The following CACNA2D1 variants were observed in gnomAD, a reference collection of about 807,000 sequenced individuals.
The protein encoded by CACNA2D1 is voltage-dependent calcium channel subunit alpha-2/delta-1.
Under a neutral mutation model 171.5 loss-of-function variants are expected in CACNA2D1, and 53 were observed. The observed-to-expected ratio is 0.31, with a 90% CI of 0.25 to 0.39. CACNA2D1 has a LOEUF of 0.39. CACNA2D1 is among the 10% of genes least tolerant of loss of function. The pLI is 1.00. For missense variants in CACNA2D1, 903 were observed against 1,299.8 expected (o/e 0.69, Z 4.69); for synonymous variants, 442 against 443.1 (o/e 1.00, Z 0.03).
chr7:82,418,564 T>C (rs1026173007), intron 1 of CACNA2D1, among the ~76,000 whole-genome samples: 8 of 152,108 alleles, frequency 5.3e-5, no homozygotes, highest in African/African-American at 1.7e-4. Context: ...GTAACAGAGA[T>C]TCTGGGCTTC....
At position 81,950,498 on chromosome 7, in the gene CACNA2D1, G is replaced by C. The variant is rs2129932628; in HGVS notation, c.3170C>G (p.Thr1057Ser). Reference protein sequence around the residue: ...CFDNNVLEDYTDCGGVSGLNP... With the variant: ...CFDNNVLEDYSDCGGVSGLNP... ...TAATCCAGAAACACCACCACAGTCA[G>C]TATAATCCTCCTGTTGTTAAAAAAA... The change falls in exon 39 of 39, where the codon ACT becomes AGT. Residue 1057 changes from threonine to serine, a missense_variant. By Grantham distance (58) the Thr-to-Ser change is moderately conservative. Coordinates refer to ENST00000356860, the MANE Select transcript of CACNA2D1 (RefSeq NM_000722.4). 8 of 1,611,792 alleles carry C rather than the reference G, an allele frequency of 5.0e-6. No homozygotes were observed. Among genetic ancestry groups the C allele is most frequent in the Non-Finnish European group, 6.8e-6 (8 of 1,179,052 alleles).
chr7:81,959,130 T>G, intron 38 of CACNA2D1, 145 bp downstream of exon 38: 1 of 667,090 alleles, frequency 1.5e-6, no homozygotes, highest in Non-Finnish European at 2.7e-6. Flanking sequence ...ATGAAAAAAA[T>G]CTACCAGCAA....
intron 3 of CACNA2D1, among the ~76,000 whole-genome samples, chr7:82,234,047 T>C (rs1426915228): frequency 2.0e-5 from 3 of 152,104 alleles, no homozygotes; most frequent in Non-Finnish European, 2.9e-5. Flanking sequence ...GAAGTATGCA[T>C]TCAAATGTAC....
At chr7:81,958,451 A>G (rs1030515748) in intron 38 of CACNA2D1, among the ~76,000 whole-genome samples, 2 of 152,070 alleles carry the variant, frequency 1.3e-5, no homozygotes, top group Admixed American at 6.6e-5. Flanking sequence ...AATTAGTTAA[A>G]AAGAGGTAGA....
intron 3 of CACNA2D1, among the ~76,000 whole-genome samples, chr7:82,269,240 C>A (rs943301293): frequency 6.6e-6 from 1 of 152,144 alleles, no homozygotes; most frequent in East Asian, 1.9e-4. Context: ...CCCTCTGACT[C>A]ATACACCCCT....
chr7:81,994,069 C>A (rs924739320), intron 20 of CACNA2D1, among the ~76,000 whole-genome samples: 2 of 151,980 alleles, frequency 1.3e-5, no homozygotes, highest in African/African-American at 4.8e-5. Context: ...AGGGAAGGAT[C>A]TGATGAGGAA....
chr7:82,120,732 G>C (rs769909749), intron 5 of CACNA2D1, among the ~76,000 whole-genome samples: 1 of 151,902 alleles, frequency 6.6e-6, no homozygotes, highest in Non-Finnish European at 1.5e-5. Context: ...AAAATTAGCC[G>C]AGTGTGGTGG....
At chr7:82,179,573 G>A (rs577814960) in intron 3 of CACNA2D1, among the ~76,000 whole-genome samples, 3 of 152,034 alleles carry the variant, frequency 2.0e-5, no homozygotes, top group Admixed American at 6.5e-5. Flanking sequence ...ACCAACCTAA[G>A]TTGCCCTAAA....
At chr7:82,088,367 ATAT>A (rs1353859890) in intron 6 of CACNA2D1, among the ~76,000 whole-genome samples, 1 of 152,142 alleles carries the variant, frequency 6.6e-6, no homozygotes, top group African/African-American at 2.4e-5. Flanking sequence ...TTTTCAGCAA[ATAT>A]TACTCTAGAT....
intron 15 of CACNA2D1, among the ~76,000 whole-genome samples, chr7:82,010,875 T>G (rs1799701320): frequency 6.6e-6 from 1 of 152,142 alleles, no homozygotes. Context: ...GAACTCCAAG[T>G]AGGGAAAAGG....
At chr7:82,146,798 C>T (rs1793179201) in intron 4 of CACNA2D1, among the ~76,000 whole-genome samples, 1 of 150,718 alleles carries the variant, frequency 6.6e-6, no homozygotes, top group Admixed American at 6.6e-5. Flanking sequence ...AACAGCCTGG[C>T]CATCATGGTG....
In CACNA2D1 at chr7:82,142,964, G is replaced by A. The variant is rs577648879; in HGVS notation, c.355-6288C>T. ...TGTCCATTATCAACTGTTGTACCTGGGATGAGTTCAACCAACAGCACTGTA... is the reference window on the plus strand; with the variant it reads ...TGTCCATTATCAACTGTTGTACCTGAGATGAGTTCAACCAACAGCACTGTA... On this transcript the variant is annotated intron_variant, in intron 4 of 38. Transcript: ENST00000356860. Among the ~76,000 whole-genome samples, 396 of 152,144 alleles carry A rather than the reference G, an allele frequency of 2.6e-3. 5 individuals carry two copies. In the South Asian group the frequency reaches 0.028, roughly 11 times the overall value.
chr7:81,973,098 T>C (rs1235231455), intron 25 of CACNA2D1, among the ~76,000 whole-genome samples: 2 of 152,062 alleles, frequency 1.3e-5, no homozygotes, highest in Non-Finnish European at 2.9e-5. Context: ...TTCTGAAAAG[T>C]TATATGTTAG....
intron 9 of CACNA2D1, among the ~76,000 whole-genome samples, chr7:82,062,729 CTTTTTTTTTTTTTTTTTTT>C (rs71520797): frequency 3.8e-5 from 2 of 52,170 alleles, no homozygotes; most frequent in Non-Finnish European, 6.7e-5. Flanking sequence ...GGTATATCTC[CTTTTTTTTTTTTTTTTTTT>C]TTTTTTTTTT....
At chr7:82,089,611 C>T (rs1375703053) in intron 6 of CACNA2D1, among the ~76,000 whole-genome samples, 1 of 152,092 alleles carries the variant, frequency 6.6e-6, no homozygotes, top group African/African-American at 2.4e-5. Flanking sequence ...AGCAATTCTC[C>T]CTTTTAGAGT....
At chr7:82,113,788 G>A (rs1422711356) in intron 6 of CACNA2D1, among the ~76,000 whole-genome samples, 4 of 152,098 alleles carry the variant, frequency 2.6e-5, no homozygotes, top group Non-Finnish European at 4.4e-5. Flanking sequence ...AGATCTTGTG[G>A]ACATTTCTGA....
chr7:82,180,076 C>G lies in CACNA2D1; in HGVS notation c.295-9467G>C, dbSNP rs2237513. On this transcript the variant is annotated intron_variant, in intron 3 of 38. Transcript: ENST00000356860. The stretch of plus-strand genomic sequence containing the variant: ...CACCATATTGAGAGAAATTTCTCCT[C>G]GGGTCCCTCATGTTTCTGCATGTCA... Among the ~76,000 whole-genome samples the G allele has an allele frequency of 1.1e-3, 160 of 151,988 alleles. 1 individual carries two copies. The highest frequency in any genetic ancestry group is 7.8e-3 in the East Asian group (40 of 5,140).
intron 3 of CACNA2D1, among the ~76,000 whole-genome samples, chr7:82,258,033 T>G (rs915889557): frequency 6.6e-6 from 1 of 152,156 alleles, no homozygotes; most frequent in Non-Finnish European, 1.5e-5. Flanking sequence ...CAAATGCTTC[T>G]GAAAGCAGGT....
intron 1 of CACNA2D1, among the ~76,000 whole-genome samples, chr7:82,412,160 C>CA (rs1433346517): frequency 1.3e-5 from 2 of 151,778 alleles, no homozygotes; most frequent in Admixed American, 6.6e-5. Flanking sequence ...ATTAAAAACA[C>CA]AAAAAACAGG....
Sources: gnomAD v4.1 joint callset for allele counts (sites outside exome capture counted in the v4.1 genomes callset) on GRCh38, gnomAD v4.1.1 for gene constraint, MANE v1.5 for transcripts, NCBI Gene and HGNC (gene_info 2026-07-23, HGNC 2026-07-21) for gene names.